The following PCDHGA6 variants were observed in gnomAD, a reference collection of about 807,000 sequenced individuals.
The protein encoded by PCDHGA6 is protocadherin gamma subfamily A, 6.
In PCDHGA6, 41 loss-of-function variants were observed where a neutral mutation model predicts 60.6. That is an observed-to-expected ratio of 0.68 (90% CI 0.53 to 0.88). The LOEUF (loss-of-function observed/expected upper bound fraction) is 0.88, where lower values mean the gene tolerates loss of function less well. PCDHGA6 is among the 40% of genes least tolerant of loss of function. The pLI is 0.00. For missense variants in PCDHGA6, 1,312 were observed against 1,203.0 expected (o/e 1.09, Z -1.34); for synonymous variants, 594 against 524.4 (o/e 1.13, Z -1.81).
chr5:141,478,076 C>G (rs1486983629), intron 1 of PCDHGA6: 2 of 1,614,106 alleles, frequency 1.2e-6, no homozygotes, highest in Non-Finnish European at 1.7e-6. Context: ...CAATGGGGAG[C>G]CTTCGCTCTC....
In PCDHGA6 at chr5:141,477,868, C is replaced by A; in HGVS notation, c.2425-16939C>A. The A allele has an allele frequency of 6.2e-7, 1 of 1,613,750 alleles. No homozygotes were observed. Among genetic ancestry groups the A allele is most frequent in the Non-Finnish European group, 8.5e-7 (1 of 1,179,908 alleles). ...CGGTGGAGATGCTGCCTCGAGGTAC[C>A]TCAGCTGGCCACCTAGTGTCACGGG... On this transcript the variant is annotated intron_variant, in intron 1 of 3. Coordinates refer to ENST00000517434, the MANE Select transcript of PCDHGA6 (RefSeq NM_018919.3). The surrounding 1 kb of genome is among the most constrained non-coding windows in gnomAD (Gnocchi z 4.9).
rs1330463387 is a variant in PCDHGA6, at chr5:141,393,177, G to C, written c.2424+16670G>C. ...AGGAAAACTCTTTGGGGTAGAAATA[G>C]AAATAATTGATATTAACGATAATAA... On this transcript the variant is annotated intron_variant, in intron 1 of 3. Transcript: ENST00000517434. The C allele has an allele frequency of 1.2e-6, 2 of 1,613,174 alleles. No individual in the cohort carries two copies. Among genetic ancestry groups the C allele is most frequent in the Non-Finnish European group, 1.7e-6 (2 of 1,179,896 alleles).
intron 1 of PCDHGA6, chr5:141,419,056 T>C (rs2096318283): frequency 6.2e-7 from 1 of 1,613,836 alleles, no homozygotes; most frequent in Non-Finnish European, 8.5e-7. Context: ...CTTCTTCTAA[T>C]AATTACTACA....
intron 1 of PCDHGA6, chr5:141,403,154 T>G (rs1166937788): frequency 6.2e-7 from 1 of 1,614,024 alleles, no homozygotes; most frequent in Non-Finnish European, 8.5e-7. Flanking sequence ...CCGCATCGTC[T>G]CTAGAGGTAG....
chr5:141,404,764 C>A lies in PCDHGA6; in HGVS notation c.2424+28257C>A, dbSNP rs371618979. 152 of 1,613,920 alleles carry A rather than the reference C, an allele frequency of 9.4e-5. 1 individual carries two copies. In the African/African-American group the frequency reaches 1.6e-3, roughly 17 times the overall value. ...GAGACTCAGGCCAGAATGCTTGGCT[C>A]TCCTACCGCCTATTCAAGGCCAGTG... On this transcript the variant is annotated intron_variant, in intron 1 of 3. Coordinates refer to ENST00000517434, the MANE Select transcript of PCDHGA6 (RefSeq NM_018919.3).
At chr5:141,398,916 A>G (rs2150766485) in intron 1 of PCDHGA6, 1 of 1,614,022 alleles carries the variant, frequency 6.2e-7, no homozygotes, top group Non-Finnish European at 8.5e-7. Context: ...CTGTGTTGCA[A>G]GTGTCAGCCA....
intron 3 of PCDHGA6, among the ~76,000 whole-genome samples, chr5:141,505,942 G>A (rs2099849309): frequency 6.6e-6 from 1 of 152,192 alleles, no homozygotes; most frequent in African/African-American, 2.4e-5. Flanking sequence ...AAGCCCTCAA[G>A]CAATGAAAGT....
intron 1 of PCDHGA6, chr5:141,418,303 G>T: frequency 6.2e-7 from 1 of 1,614,032 alleles, no homozygotes; most frequent in Middle Eastern, 1.6e-4. Flanking sequence ...CCGTCAGCCT[G>T]GGGATGGGAA....
intron 1 of PCDHGA6, chr5:141,423,251 A>T: frequency 6.2e-7 from 1 of 1,613,844 alleles, no homozygotes; most frequent in East Asian, 2.2e-5. Context: ...GTCCTGGCGG[A>T]CCTCGGCAGC....
Position 141,486,276 on chromosome 5 carries a change from T to C in PCDHGA6, c.2425-8531T>C. The C allele has an allele frequency of 1.2e-6, 2 of 1,613,980 alleles. No homozygotes were observed. The highest frequency in any genetic ancestry group is 1.7e-6 in the Non-Finnish European group (2 of 1,179,974). On this transcript the variant is annotated intron_variant, in intron 1 of 3. Coordinates refer to ENST00000517434, the MANE Select transcript of PCDHGA6 (RefSeq NM_018919.3). The surrounding 1 kb of genome is among the most constrained non-coding windows in gnomAD (Gnocchi z 5.0). ...CCCGAGAGTGCAGAACCTGGCACTG[T>C]GGTGGCACTTATCAGTGTGCAGGAT...
intron 1 of PCDHGA6, chr5:141,393,874 G>T (rs1226947734): frequency 1.2e-6 from 2 of 1,613,826 alleles, no homozygotes; most frequent in Non-Finnish European, 1.7e-6. Flanking sequence ...TCTTTGTTTA[G>T]CCCAGTGTTA....
chr5:141,476,070 C>T lies in PCDHGA6; in HGVS notation c.2425-18737C>T. ...CCCGCTGAAAGTTTCTCAGCGAAAT[C>T]TCAGGGACGATCTGGACCCCGCTGA... is the stretch of plus-strand genomic sequence containing the variant. On this transcript the variant is annotated intron_variant, in intron 1 of 3. Transcript: ENST00000517434. This position sits in a 1 kb window ranked among gnomAD's most constrained non-coding sequence, Gnocchi z 7.6. 6.6e-7 allele frequency: 1 copy of T among 1,522,382 alleles called. No individual in the cohort carries two copies. The highest frequency in any genetic ancestry group is 1.3e-5 in the South Asian group (1 of 77,762). 94.3% of individuals were successfully genotyped at this position (1,522,382 alleles called of 1,614,324 possible). A position where few individuals can be genotyped will look rare whatever the true frequency, so the allele number is the denominator to read the frequency against.
intron 1 of PCDHGA6, chr5:141,383,948 C>G (rs199642192): frequency 2.1e-4 from 340 of 1,613,480 alleles, no homozygotes; most frequent in Non-Finnish European, 2.5e-4. Context: ...GTGACTATGA[C>G]GTCTTTAAGT....
At chr5:141,473,884 G>T (rs1162382168) in intron 1 of PCDHGA6, among the ~76,000 whole-genome samples, 1 of 152,162 alleles carries the variant, frequency 6.6e-6, no homozygotes, top group African/African-American at 2.4e-5. Context: ...ATACACAAGG[G>T]TTCTGTTGGT....
intron 2 of PCDHGA6, among the ~76,000 whole-genome samples, chr5:141,503,608 AAAAAAAG>A (rs1483073868): frequency 3.3e-5 from 5 of 151,876 alleles, no homozygotes; most frequent in South Asian, 2.1e-4. Context: ...CAAAAAAAAA[AAAAAAAG>A]AAAAAAGAAA....
chr5:141,451,095 T>G (rs1158753327), intron 1 of PCDHGA6, among the ~76,000 whole-genome samples: 2 of 152,180 alleles, frequency 1.3e-5, no homozygotes, highest in African/African-American at 4.8e-5. Context: ...CCCAAAGTGT[T>G]GGGATTACAG....
chr5:141,510,837 GTCAAGGCCCAGGGTGC>G, intron 3 of PCDHGA6, 94 bp from the exon 4 acceptor site: 1 of 1,586,392 alleles, frequency 6.3e-7, no homozygotes, highest in Non-Finnish European at 8.6e-7. Flanking sequence ...GCTCAGCGTG[GTCAAGGCCCAGGGTGC>G]TGTATAGGCA....
intron 1 of PCDHGA6, chr5:141,422,139 A>G (rs2096627272): frequency 6.3e-7 from 1 of 1,588,154 alleles, no homozygotes. Context: ...AAGTTCAAGT[A>G]CGGGGGTCTC....
At chr5:141,414,640 G>A (rs1035735674) in intron 1 of PCDHGA6, 2 of 1,613,838 alleles carry the variant, frequency 1.2e-6, no homozygotes, top group Non-Finnish European at 1.7e-6. Flanking sequence ...CAAAGAGAAT[G>A]CCCAGATTAT....
Sources: allele counts gnomAD v4.1 joint callset (sites outside exome capture counted in the v4.1 genomes callset), GRCh38; gene constraint gnomAD v4.1.1; non-coding constraint Gnocchi (gnomAD v3.1); transcripts MANE v1.5; gene names NCBI Gene and HGNC (gene_info 2026-07-23, HGNC 2026-07-21).